TYW1: variants seen among roughly 807,000 people sequenced by gnomAD.
TYW1 encodes tRNA-yW synthesizing protein 1 homolog.
Under a neutral mutation model 96.2 loss-of-function variants are expected in TYW1, and 46 were observed. That is an observed-to-expected ratio of 0.48 (90% CI 0.38 to 0.61). The LOEUF (loss-of-function observed/expected upper bound fraction) is 0.61, where lower values mean the gene tolerates loss of function less well. TYW1 is among the 20% of genes least tolerant of loss of function. The pLI is 0.00. For synonymous variants in TYW1, 274 were observed against 323.0 expected (o/e 0.85, Z 1.63); for missense variants, 684 against 909.6 (o/e 0.75, Z 3.19).
intron 13 of TYW1, among the ~76,000 whole-genome samples, chr7:67,141,068 G>A (rs965897891): frequency 2.0e-5 from 3 of 152,070 alleles, no homozygotes; most frequent in African/African-American, 7.2e-5. Flanking sequence ...TTTCTATTTT[G>A]TAGGTTATTT....
At chr7:67,054,409 A>G (rs1795448084) in intron 8 of TYW1, among the ~76,000 whole-genome samples, 1 of 152,232 alleles carries the variant, frequency 6.6e-6, no homozygotes, top group South Asian at 2.1e-4. Context: ...CCAAGAGAAG[A>G]ACTAGAATTT....
intron 12 of TYW1, among the ~76,000 whole-genome samples, chr7:67,116,185 A>C (rs1797586682): frequency 6.6e-6 from 1 of 151,952 alleles, no homozygotes; most frequent in African/African-American, 2.4e-5. Flanking sequence ...AATTAGCCGG[A>C]TGTGGCACGG....
At chr7:67,158,873 T>C (rs1407253543) in intron 13 of TYW1, among the ~76,000 whole-genome samples, 4 of 152,204 alleles carry the variant, frequency 2.6e-5, no homozygotes, top group African/African-American at 9.6e-5. Flanking sequence ...ACCCGCCCTC[T>C]TTTCATTTTT....
intron 7 of TYW1, among the ~76,000 whole-genome samples, chr7:67,033,190 C>G (rs914809932): frequency 1.3e-5 from 2 of 152,112 alleles, no homozygotes; most frequent in African/African-American, 4.8e-5. Context: ...AGCCACTGCA[C>G]CTGTCCAAGA....
chr7:67,057,698 C>T (rs1437110852), intron 9 of TYW1, among the ~76,000 whole-genome samples: 1 of 152,050 alleles, frequency 6.6e-6, no homozygotes, highest in African/African-American at 2.4e-5. Context: ...TGCGTATTGG[C>T]TGTTTATACT....
chr7:67,006,947 G>GTTTTTTTTTTT (rs1562961994), intron 3 of TYW1, among the ~76,000 whole-genome samples: 1 of 69,068 alleles, frequency 1.4e-5, no homozygotes, highest in Non-Finnish European at 2.8e-5. Context: ...GAGATGTGAG[G>GTTTTTTTTTTT]CTTTTTTTTT....
chr7:67,188,593 A>G (rs186116257), intron 14 of TYW1, among the ~76,000 whole-genome samples: 1 of 152,302 alleles, frequency 6.6e-6, no homozygotes, highest in African/African-American at 2.4e-5. Context: ...ACAGAAGACT[A>G]GGCCCTTTCA....
intron 13 of TYW1, among the ~76,000 whole-genome samples, chr7:67,166,518 T>C (rs1236696745): frequency 7.0e-6 from 1 of 142,392 alleles, no homozygotes; most frequent in African/African-American, 2.7e-5. Context: ...CCTTCAGAGT[T>C]CTCTCCTGGT....
At chr7:67,223,362 T>C (rs73703518) in intron 15 of TYW1, among the ~76,000 whole-genome samples, 6,073 of 152,036 alleles carry the variant, frequency 0.04, 351 homozygotes, top group East Asian at 0.18. Flanking sequence ...GTTTGATTAT[T>C]GAAGGCTGTC....
intron 15 of TYW1, among the ~76,000 whole-genome samples, chr7:67,234,333 T>G (rs1801820422): frequency 1.8e-5 from 2 of 110,616 alleles, no homozygotes; most frequent in African/African-American, 3.8e-5. Flanking sequence ...GGTGACAGAG[T>G]GAGAACCTAT....
chr7:67,080,990 C>T (rs568687408), intron 10 of TYW1, among the ~76,000 whole-genome samples: 9 of 86,508 alleles, frequency 1.0e-4, no homozygotes, highest in Non-Finnish European at 1.8e-4. Flanking sequence ...TCTTCCATAG[C>T]GGTAACATTT....
chr7:67,012,884 T>A (rs1232770783), intron 4 of TYW1, among the ~76,000 whole-genome samples: 1 of 151,256 alleles, frequency 6.6e-6, no homozygotes, highest in Admixed American at 6.6e-5. Flanking sequence ...ATTATGTATA[T>A]GCAGATTTAA....
chr7:67,063,980 G>A (rs1357292859), intron 9 of TYW1, among the ~76,000 whole-genome samples: 1 of 152,136 alleles, frequency 6.6e-6, no homozygotes. Context: ...AAAGTAATAT[G>A]CTTCGATTTA....
intron 13 of TYW1, among the ~76,000 whole-genome samples, chr7:67,172,430 C>CCTTTTTTT (rs777213368): frequency 3.4e-4 from 49 of 143,966 alleles, no homozygotes; most frequent in Admixed American, 3.5e-4. Context: ...CCTTACCATT[C>CCTTTTTTT]TTTTTTTTGA....
chr7:67,197,949 C>A (rs1800455214), intron 15 of TYW1, among the ~76,000 whole-genome samples: 1 of 141,168 alleles, frequency 7.1e-6, no homozygotes, highest in Admixed American at 7.2e-5. Context: ...TCCCTCCCTT[C>A]CCTACCCCTG....
At chr7:67,237,193 G>A (rs1282002870) in intron 15 of TYW1, among the ~76,000 whole-genome samples, 14 of 152,194 alleles carry the variant, frequency 9.2e-5, no homozygotes, top group Middle Eastern at 3.4e-3. Context: ...GCCATTAGTC[G>A]AAGTTTTTTA....
chr7:67,064,150 G>T (rs1046414766), intron 9 of TYW1, among the ~76,000 whole-genome samples: 8 of 152,182 alleles, frequency 5.3e-5, no homozygotes, highest in Non-Finnish European at 1.0e-4. Flanking sequence ...TAGGTTGAAT[G>T]AAGTTCTTAC....
chr7:67,076,462 G>A (rs925532502), intron 10 of TYW1, among the ~76,000 whole-genome samples: 2 of 150,846 alleles, frequency 1.3e-5, no homozygotes, highest in African/African-American at 4.9e-5. Context: ...TTAAATAGGA[G>A]AATTTTATGG....
intron 15 of TYW1, 102 bp downstream of exon 15, chr7:67,195,439 G>A: frequency 1.9e-6 from 3 of 1,550,516 alleles, no homozygotes; most frequent in Non-Finnish European, 2.6e-6. Flanking sequence ...GGGATTATCT[G>A]CTTGTTTGCT....
Sources: allele counts gnomAD v4.1 joint callset (sites outside exome capture counted in the v4.1 genomes callset), GRCh38; gene constraint gnomAD v4.1.1; transcripts MANE v1.5; gene names NCBI Gene and HGNC (gene_info 2026-07-23, HGNC 2026-07-21).